The following HDAC9 variants were observed in gnomAD, a reference collection of about 807,000 sequenced individuals.
HDAC9 encodes histone deacetylase 9.
In HDAC9, 41 loss-of-function variants were observed where a neutral mutation model predicts 139.4. The ratio of observed to expected loss-of-function variants is 0.29; its 90% CI spans 0.23 to 0.38. The LOEUF is 0.38. HDAC9 is among the 10% of genes least tolerant of loss of function. The probability of loss-of-function intolerance (pLI) is 1.00; values close to 1 mark genes in which losing one functional copy is unlikely to be tolerated. For missense variants in HDAC9, 1,147 were observed against 1,297.0 expected (o/e 0.88, Z 1.78); for synonymous variants, 517 against 476.2 (o/e 1.09, Z -1.12).
At chr7:18,767,303 C>A in intron 16 of HDAC9, 148 bp downstream of exon 16, 1 of 481,132 alleles carries the variant, frequency 2.1e-6, no homozygotes, top group Non-Finnish European at 3.7e-6. Context: ...GAGCTAAGTG[C>A]CAAGTAAAAA....
chr7:18,590,498 C>T lies in HDAC9; in HGVS notation c.415+12C>T. 1 of 1,586,826 alleles carries T rather than the reference C, an allele frequency of 6.3e-7. No homozygotes were observed. On this transcript the variant is annotated intron_variant, in intron 4 of 25. Coordinates refer to ENST00000686413, the MANE Select transcript of HDAC9 (RefSeq NM_178425.4). ...TAGAGGACGAGAAAGTAAGAGGCAC[C>T]AGGGTAAACGATGGACTCTCTTTCC...
intron 2 of HDAC9, among the ~76,000 whole-genome samples, chr7:18,209,962 A>C (rs1304588362): frequency 1.3e-5 from 2 of 151,626 alleles, no homozygotes; most frequent in African/African-American, 4.8e-5. Flanking sequence ...GGCTTCCCAA[A>C]GTGTTGGGAT....
rs1794860855 is a variant in HDAC9, at chr7:18,666,328, A to G, written c.1583A>G (p.Asn528Ser). The change falls in exon 12 of 26, where the codon AAC becomes AGC. Residue 528 changes from asparagine to serine, a missense_variant. Physicochemically the swap from Asn to Ser is conservative, Grantham distance 46. This residue lies in a region of HDAC9 where 256 missense variants were observed against 219.2 expected (regional missense o/e 1.17). Coordinates refer to ENST00000686413, the MANE Select transcript of HDAC9 (RefSeq NM_178425.4). ...MQEDRAPSSG[N>S]STRSDSSACV... Reference sequence around the variant, plus strand: ...GAAGACAGAGCGCCCTCTAGTGGCAACAGCACTAGGAGCGACAGCAGTGCT... The same window carrying G: ...GAAGACAGAGCGCCCTCTAGTGGCAGCAGCACTAGGAGCGACAGCAGTGCT... 2 of 1,613,350 alleles carry G rather than the reference A, an allele frequency of 1.2e-6. No individual in the cohort carries two copies. Among genetic ancestry groups the G allele is most frequent in the Middle Eastern group, 1.6e-4 (1 of 6,078 alleles).
intron 1 of HDAC9, among the ~76,000 whole-genome samples, chr7:18,099,968 C>T (rs1297400386): frequency 6.6e-6 from 1 of 152,076 alleles, no homozygotes; most frequent in East Asian, 1.9e-4. Flanking sequence ...CTCTGATATC[C>T]TCTTCCTTCT....
chr7:18,101,831 A>G (rs377040779), intron 1 of HDAC9, among the ~76,000 whole-genome samples: 1 of 152,228 alleles, frequency 6.6e-6, no homozygotes, highest in Admixed American at 6.5e-5. Flanking sequence ...TGGATAAAAG[A>G]TGCCACTATG....
intron 21 of HDAC9, among the ~76,000 whole-genome samples, chr7:18,860,779 C>A (rs1448261211): frequency 6.6e-6 from 1 of 152,014 alleles, no homozygotes; most frequent in African/African-American, 2.4e-5. Context: ...TTGTCAGCAC[C>A]CACTGGAACT....
intron 22 of HDAC9, among the ~76,000 whole-genome samples, chr7:18,932,133 T>G (rs1804799521): frequency 6.6e-6 from 1 of 152,160 alleles, no homozygotes; most frequent in Non-Finnish European, 1.5e-5. Context: ...ACAAAACTGC[T>G]CTAAAAAATA....
chr7:18,652,904 GCTTATA>G (rs1789773377), intron 11 of HDAC9, among the ~76,000 whole-genome samples: 1 of 152,056 alleles, frequency 6.6e-6, no homozygotes, highest in African/African-American at 2.4e-5. Flanking sequence ...TCCTCATGGA[GCTTATA>G]GGATGGGGAG....
At chr7:18,160,658 C>G (rs545329831) in intron 1 of HDAC9, among the ~76,000 whole-genome samples, 12 of 151,996 alleles carry the variant, frequency 7.9e-5, no homozygotes, top group African/African-American at 2.7e-4. Context: ...CTTTTGTTGC[C>G]CAGGCTGGAG....
chr7:18,666,643 C>A, intron 12 of HDAC9, 167 bp downstream of exon 12: 1 of 1,416,136 alleles, frequency 7.1e-7, no homozygotes, highest in Non-Finnish European at 9.3e-7. Context: ...ATGTATATAT[C>A]TATATAGAGG....
chr7:18,799,369 T>A (rs181662170), intron 17 of HDAC9, among the ~76,000 whole-genome samples: 1 of 152,156 alleles, frequency 6.6e-6, no homozygotes, highest in African/African-American at 2.4e-5. Context: ...ACAGAAATGT[T>A]TGAGACAAGC....
At chr7:18,341,909 G>T (rs1355442688) in intron 1 of HDAC9, among the ~76,000 whole-genome samples, 1 of 151,596 alleles carries the variant, frequency 6.6e-6, no homozygotes. Context: ...TTATCCTTTT[G>T]GTTCCAGTCA....
At chr7:18,336,811 C>A (rs1228390644) in intron 1 of HDAC9, among the ~76,000 whole-genome samples, 1 of 151,370 alleles carries the variant, frequency 6.6e-6, no homozygotes, top group Non-Finnish European at 1.5e-5. Context: ...AGTGTCATAC[C>A]ATGTACTGTC....
chr7:18,252,570 T>G (rs1451995413), intron 2 of HDAC9, among the ~76,000 whole-genome samples: 1 of 152,088 alleles, frequency 6.6e-6, no homozygotes, highest in Non-Finnish European at 1.5e-5. Flanking sequence ...AGGTAAGATT[T>G]TTGGAGTTGT....
At chr7:18,103,783 C>T (rs904971165) in intron 1 of HDAC9, among the ~76,000 whole-genome samples, 2 of 152,194 alleles carry the variant, frequency 1.3e-5, no homozygotes, top group Non-Finnish European at 2.9e-5. Context: ...AAAAATATCA[C>T]CAAACTTCTA....
intron 1 of HDAC9, among the ~76,000 whole-genome samples, chr7:18,124,926 A>C (rs1784565143): frequency 6.6e-6 from 1 of 151,128 alleles, no homozygotes; most frequent in Non-Finnish European, 1.5e-5. Context: ...ATTGTTAGCA[A>C]CAGAGGAAAT....
intron 7 of HDAC9, among the ~76,000 whole-genome samples, chr7:18,631,807 C>T (rs1782434222): frequency 6.6e-6 from 1 of 151,968 alleles, no homozygotes. Flanking sequence ...TACCCTTCTT[C>T]AAGCTCCAGT....
At chr7:18,626,671 T>C (rs1168676677) in intron 6 of HDAC9, among the ~76,000 whole-genome samples, 1 of 152,160 alleles carries the variant, frequency 6.6e-6, no homozygotes, top group Non-Finnish European at 1.5e-5. Flanking sequence ...TCATTCCTCT[T>C]CTGGTGTTTG....
chr7:18,980,435 T>C (rs773387971), intron 25 of HDAC9, among the ~76,000 whole-genome samples: 2 of 152,182 alleles, frequency 1.3e-5, no homozygotes, highest in Non-Finnish European at 2.9e-5. Context: ...CACTTCACAG[T>C]TGTTTGCTCA....
Sources: gnomAD v4.1 joint callset for allele counts (sites outside exome capture counted in the v4.1 genomes callset) on GRCh38, gnomAD v4.1.1 for gene constraint, gnomAD v4.1.1 regional missense constraint, MANE v1.5 for transcripts, NCBI Gene and HGNC (gene_info 2026-07-23, HGNC 2026-07-21) for gene names.